Variants in CCN6 observed in about 807,000 individuals in gnomAD.
The protein encoded by CCN6 is CCN family member 6.
CCN6 carries 31 observed loss-of-function variants against 37.4 expected under a neutral mutation model. The ratio of observed to expected loss-of-function variants is 0.83; its 90% CI spans 0.62 to 1.12. The LOEUF is 1.12. CCN6 is among the 50% of genes most tolerant of loss of function. The pLI is 0.00. For synonymous variants in CCN6, 137 were observed against 142.1 expected (o/e 0.96, Z 0.26); for missense variants, 369 against 413.8 (o/e 0.89, Z 0.94).
At chr6:112,063,649 C>T (rs1776593055) in intron 2 of CCN6, among the ~76,000 whole-genome samples, 1 of 152,150 alleles carries the variant, frequency 6.6e-6, no homozygotes, top group African/African-American at 2.4e-5. Flanking sequence ...TGAATTCTCG[C>T]ATTGGCAAAA....
At chr6:112,055,845 C>T (rs1776333157) in intron 1 of CCN6, among the ~76,000 whole-genome samples, 1 of 152,208 alleles carries the variant, frequency 6.6e-6, no homozygotes, top group Admixed American at 6.5e-5. Context: ...CCACCTCGGC[C>T]TCCCAAAGTG....
intron 1 of CCN6, among the ~76,000 whole-genome samples, chr6:112,058,230 T>TCCTCCC (rs1554312146): frequency 1.3e-5 from 2 of 152,214 alleles, no homozygotes; most frequent in Non-Finnish European, 2.9e-5. Flanking sequence ...AACTTTTGAA[T>TCCTCCC]CACAGCTGAA....
At chr6:112,069,298 A>G (rs781791824) in intron 4 of CCN6, 41 bp from the exon 5 acceptor site, 1 of 1,595,096 alleles carries the variant, frequency 6.3e-7, no homozygotes, top group South Asian at 1.1e-5. Flanking sequence ...AACTATTGTA[A>G]TAAAATTTAA....
intron 3 of CCN6, 136 bp from the exon 4 acceptor site, chr6:112,068,069 C>T: frequency 1.4e-6 from 1 of 716,370 alleles, no homozygotes; most frequent in Non-Finnish European, 2.1e-6. Context: ...ATAAATTAGA[C>T]CATCGGCTTC....
chr6:112,059,617 T>C (rs1776450065), intron 1 of CCN6, among the ~76,000 whole-genome samples: 1 of 152,212 alleles, frequency 6.6e-6, no homozygotes, highest in South Asian at 2.1e-4. Context: ...GTTGATCACA[T>C]ATGCAAAAAT....
intron 2 of CCN6, among the ~76,000 whole-genome samples, chr6:112,062,617 C>T (rs1776561131): frequency 6.6e-6 from 1 of 152,254 alleles, no homozygotes; most frequent in Non-Finnish European, 1.5e-5. Flanking sequence ...GAGCCCCAAA[C>T]TATGACCTGA....
chr6:112,054,708 C>G, intron 1 of CCN6: 1 of 393,236 alleles, frequency 2.5e-6, no homozygotes, highest in East Asian at 6.1e-5. Context: ...AAGGCACAGC[C>G]TGGCACAGTG....
At chr6:112,059,961 G>C in intron 1 of CCN6, 1 of 1,347,470 alleles carries the variant, frequency 7.4e-7, no homozygotes, top group Non-Finnish European at 9.9e-7. Flanking sequence ...GGTCAAAGAG[G>C]GCCTCACTGA....
Position 112,054,227 on chromosome 6 carries a change from G to A in CCN6, c.-131G>A. 1 of 1,225,094 alleles carries A rather than the reference G, an allele frequency of 8.2e-7. No homozygotes were observed. Among genetic ancestry groups the A allele is most frequent in the Non-Finnish European group, 1.2e-6 (1 of 824,872 alleles). The allele number at this position is 1,225,094 out of a possible 1,614,324, so 75.9% of individuals were successfully genotyped here. A position where few individuals can be genotyped will look rare whatever the true frequency, so the allele number is the denominator to read the frequency against. On this transcript the variant is annotated 5_prime_UTR_variant, in exon 1 of 5. Coordinates refer to ENST00000368666, the MANE Select transcript of CCN6 (RefSeq NM_198239.2). ...CAGGCTGAAAGTTGGTAGTGTGGGA[G>A]GTAGAGGGTGTGTGTTCTTGTGCAG... is the stretch of plus-strand genomic sequence containing the variant.
chr6:112,065,213 A>T lies in CCN6; in HGVS notation c.589+216A>T, dbSNP rs587610811. 3.9e-5 allele frequency among the ~76,000 whole-genome samples: 6 copies of T among 152,308 alleles called. No individual in the cohort carries two copies. In the South Asian group the frequency reaches 1.2e-3, roughly 32 times the overall value. Reference sequence around the variant, plus strand: ...TTTAGAATTTTCTGGTAAAACATTTAAAAACATTTTTAAAAGATCTACTAG... The same window carrying T: ...TTTAGAATTTTCTGGTAAAACATTTTAAAACATTTTTAAAAGATCTACTAG... On this transcript the variant is annotated intron_variant, in intron 3 of 4. Transcript: ENST00000368666.
At chr6:112,053,489 C>T (rs1426532670), upstream of CCN6, among the ~76,000 whole-genome samples, 2 of 150,224 alleles carry the variant, frequency 1.3e-5, no homozygotes, top group East Asian at 3.9e-4. Context: ...TTTTTTTTAG[C>T]AGAGACGGGA....
At position 112,068,299 on chromosome 6, in the gene CCN6, T is replaced by C; in HGVS notation, c.684T>C (p.Ser228=). The change falls in exon 4 of 5, where the codon TCT becomes TCC. Residue 228 remains serine, a synonymous_variant. Coordinates refer to ENST00000368666, the MANE Select transcript of CCN6 (RefSeq NM_198239.2). ...PCSRTCGMGI[S]NRVTNENSNC... is the part of the protein sequence containing the mutation. Reference sequence around the variant, plus strand: ...CCAGAACATGTGGGATGGGAATATCTAACAGGGTGACCAATGAAAACAGCA... The same window carrying C: ...CCAGAACATGTGGGATGGGAATATCCAACAGGGTGACCAATGAAAACAGCA... 1.2e-6 allele frequency: 2 copies of C among 1,613,484 alleles called. No individual in the cohort carries two copies. The highest frequency in any genetic ancestry group is 1.7e-6 in the Non-Finnish European group (2 of 1,179,658).
At chr6:112,055,802 C>A (rs1039992165) in intron 1 of CCN6, among the ~76,000 whole-genome samples, 1 of 152,194 alleles carries the variant, frequency 6.6e-6, no homozygotes, top group Admixed American at 6.5e-5. Flanking sequence ...GTTGGCCAAG[C>A]TGGTCTTGAA....
chr6:112,057,843 C>G (rs1395225648), intron 1 of CCN6, among the ~76,000 whole-genome samples: 1 of 152,074 alleles, frequency 6.6e-6, no homozygotes, highest in East Asian at 1.9e-4. Flanking sequence ...TAACAGGAGC[C>G]TGCGGAGGAG....
intron 3 of CCN6, chr6:112,067,066 C>T (rs782109620): frequency 7.4e-7 from 1 of 1,354,340 alleles, no homozygotes; most frequent in Non-Finnish European, 9.9e-7. Context: ...CTCCTCAGTT[C>T]TATGTGCAAT....
intron 1 of CCN6, among the ~76,000 whole-genome samples, chr6:112,056,236 C>T (rs1158308102): frequency 3.9e-5 from 6 of 152,114 alleles, no homozygotes; most frequent in Non-Finnish European, 5.9e-5. Flanking sequence ...ACCGAAGATC[C>T]TCCTTTAGTA....
intron 1 of CCN6, chr6:112,060,177 T>A (rs1554312524): frequency 4.6e-6 from 6 of 1,302,900 alleles, no homozygotes; most frequent in Non-Finnish European, 2.0e-6. Flanking sequence ...TACATGGAAA[T>A]GGGAGGCCAT....
At chr6:112,055,069 T>C (rs1367866568) in intron 1 of CCN6, among the ~76,000 whole-genome samples, 1 of 152,212 alleles carries the variant, frequency 6.6e-6, no homozygotes, top group East Asian at 1.9e-4. Context: ...ACTTAATTGT[T>C]GATTTATTTA....
At chr6:112,068,112 C>A (rs1170618121) in intron 3 of CCN6, 93 bp from the exon 4 acceptor site, 6 of 1,080,394 alleles carry the variant, frequency 5.6e-6, no homozygotes, top group South Asian at 1.8e-5. Flanking sequence ...CAAAAATACT[C>A]AGATTTCTTA....
Sources: gnomAD v4.1 joint callset for allele counts (sites outside exome capture counted in the v4.1 genomes callset) on GRCh38, gnomAD v4.1.1 for gene constraint, MANE v1.5 for transcripts, NCBI Gene and HGNC (gene_info 2026-07-23, HGNC 2026-07-21) for gene names.